Variants in CSTPP1 observed in about 807,000 individuals in gnomAD.
CSTPP1 encodes centriolar satellite-associated tubulin polyglutamylase complex regulator 1, also known as UPF0705 protein C11orf49.
the CSTPP1 span, among the ~76,000 whole-genome samples, chr11:47,061,266 A>C: frequency 6.6e-6 from 1 of 152,290 alleles, no homozygotes; most frequent in East Asian, 1.9e-4. Flanking sequence ...ATTGACAAAA[A>C]TCCCTGCTTT....
At chr11:47,016,248 G>A in the CSTPP1 span, among the ~76,000 whole-genome samples, 2 of 152,018 alleles carry the variant, frequency 1.3e-5, no homozygotes, top group Admixed American at 6.6e-5. Context: ...ATCAGGAACA[G>A]GGCAACGATT....
the CSTPP1 span, among the ~76,000 whole-genome samples, chr11:47,014,686 C>A: frequency 7.2e-6 from 1 of 138,682 alleles, no homozygotes; most frequent in African/African-American, 2.7e-5. Context: ...GCCTGGGCAA[C>A]GAGCGAAACT....
the CSTPP1 span, among the ~76,000 whole-genome samples, chr11:47,022,852 A>G: frequency 1.3e-5 from 2 of 152,252 alleles, no homozygotes; most frequent in African/African-American, 4.8e-5. Flanking sequence ...TTATTAACAC[A>G]TTTAACCTTT....
chr11:47,064,749 G>GGTTT, the CSTPP1 span, among the ~76,000 whole-genome samples: 5 of 151,818 alleles, frequency 3.3e-5, no homozygotes, highest in Non-Finnish European at 7.4e-5. Flanking sequence ...TTGTTTGTTT[G>GGTTT]GTTTGTTTGT....
the CSTPP1 span, among the ~76,000 whole-genome samples, chr11:47,046,660 C>CTTTTTTTTTTTT: frequency 1.1e-4 from 9 of 79,754 alleles, no homozygotes; most frequent in East Asian, 3.8e-4. Context: ...ATCTTCTTTT[C>CTTTTTTTTTTTT]TTTTTTTTTT....
the CSTPP1 span, among the ~76,000 whole-genome samples, chr11:47,049,137 C>G: frequency 1.3e-5 from 2 of 151,878 alleles, no homozygotes; most frequent in African/African-American, 4.8e-5. Flanking sequence ...AGGCATGCAC[C>G]ACCATGCCCA....
chr11:47,124,466 T>C, the CSTPP1 span, among the ~76,000 whole-genome samples: 1 of 152,188 alleles, frequency 6.6e-6, no homozygotes, highest in Non-Finnish European at 1.5e-5. Context: ...TTGCTCATAC[T>C]TTTGTTTACT....
At chr11:47,164,303 C>T in the CSTPP1 span, 1 of 1,543,762 alleles carries the variant, frequency 6.5e-7, no homozygotes, top group African/African-American at 1.4e-5. Flanking sequence ...GACACTGCTT[C>T]ACTCAGACCA....
At chr11:47,007,454 A>G in the CSTPP1 span, among the ~76,000 whole-genome samples, 395 of 152,118 alleles carry the variant, frequency 2.6e-3, 20 homozygotes, top group Admixed American at 0.026. Context: ...CTTAATTCTA[A>G]TTATTGTATT....
At chr11:47,098,830 G>T in the CSTPP1 span, among the ~76,000 whole-genome samples, 1 of 151,878 alleles carries the variant, frequency 6.6e-6, no homozygotes, top group African/African-American at 2.4e-5. Flanking sequence ...CCACTTTCAC[G>T]GTCTGTGTAA....
At chr11:46,940,674 C>CAT in the CSTPP1 span, among the ~76,000 whole-genome samples, 4 of 151,954 alleles carry the variant, frequency 2.6e-5, no homozygotes, top group East Asian at 7.7e-4. Context: ...TATATATAGA[C>CAT]ATATATATAG....
At chr11:47,059,870 C>T in the CSTPP1 span, among the ~76,000 whole-genome samples, 2 of 152,018 alleles carry the variant, frequency 1.3e-5, no homozygotes, top group South Asian at 2.1e-4. Flanking sequence ...TTTGAGAGCC[C>T]GAGGCAGGTG....
the CSTPP1 span, among the ~76,000 whole-genome samples, chr11:47,069,497 CTTTAAT>C: frequency 1.3e-5 from 2 of 152,094 alleles, no homozygotes; most frequent in Non-Finnish European, 2.9e-5. Flanking sequence ...GCTACAAGTT[CTTTAAT>C]TTTAAGTTCC....
At chr11:47,153,249 AACT>A in the CSTPP1 span, among the ~76,000 whole-genome samples, 1 of 152,134 alleles carries the variant, frequency 6.6e-6, no homozygotes, top group Non-Finnish European at 1.5e-5. Context: ...TAGTCCTGTG[AACT>A]ACTGACAGAG....
At chr11:47,006,180 AT>A in the CSTPP1 span, among the ~76,000 whole-genome samples, 2 of 152,214 alleles carry the variant, frequency 1.3e-5, no homozygotes, top group Non-Finnish European at 2.9e-5. Context: ...AGAACTTAAC[AT>A]TAATTCAAAA....
chr11:46,942,423 T>C, the CSTPP1 span, among the ~76,000 whole-genome samples: 1 of 152,206 alleles, frequency 6.6e-6, no homozygotes, highest in Admixed American at 6.5e-5. Flanking sequence ...CGTGCTGACC[T>C]GAGTATAAGC....
chr11:46,999,144 A>G, the CSTPP1 span, among the ~76,000 whole-genome samples: 36 of 152,204 alleles, frequency 2.4e-4, no homozygotes, highest in African/African-American at 8.4e-4. Context: ...TCCTCACTCT[A>G]TAACCCTGGG....
chr11:47,061,958 G>T, the CSTPP1 span, among the ~76,000 whole-genome samples: 5 of 151,404 alleles, frequency 3.3e-5, no homozygotes, highest in African/African-American at 1.2e-4. Context: ...GGGCTCTTAC[G>T]CAAGCATTCC....
the CSTPP1 span, among the ~76,000 whole-genome samples, chr11:47,063,188 GA>G: frequency 6.6e-6 from 1 of 151,938 alleles, no homozygotes; most frequent in African/African-American, 2.4e-5. Context: ...AATTAGAAGG[GA>G]CCTTAGAAAT....
Sources: gnomAD v4.1 joint callset for allele counts (sites outside exome capture counted in the v4.1 genomes callset) on GRCh38, gnomAD v4.1.1 for gene constraint, MANE v1.5 for transcripts, NCBI Gene and HGNC (gene_info 2026-07-23, HGNC 2026-07-21) for gene names.